The following SSBP2 variants were observed in gnomAD, a reference collection of about 807,000 sequenced individuals.
SSBP2 encodes single-stranded DNA-binding protein 2.
In SSBP2, 17 loss-of-function variants were observed where a neutral mutation model predicts 61.8. The observed-to-expected ratio is 0.28, with a 90% CI of 0.19 to 0.41. The LOEUF (loss-of-function observed/expected upper bound fraction) is 0.41. SSBP2 is among the 10% of genes least tolerant of loss of function. The pLI, the probability that SSBP2 is intolerant of heterozygous loss-of-function variation, is 1.00. For synonymous variants in SSBP2, 139 were observed against 141.3 expected (o/e 0.98, Z 0.12); for missense variants, 310 against 458.7 (o/e 0.68, Z 2.96).
intron 1 of SSBP2, among the ~76,000 whole-genome samples, chr5:81,675,171 T>G (rs1380767270): frequency 6.6e-6 from 1 of 152,078 alleles, no homozygotes; most frequent in African/African-American, 2.4e-5. Context: ...ACACACAATT[T>G]TAATCCCTTC....
intron 4 of SSBP2, among the ~76,000 whole-genome samples, chr5:81,596,884 C>T (rs1391218216): frequency 6.7e-6 from 1 of 149,156 alleles, no homozygotes; most frequent in Non-Finnish European, 1.5e-5. Context: ...ACCATAAAAA[C>T]CCTAGAAGAA....
At chr5:81,662,692 C>T (rs1307639520) in intron 1 of SSBP2, among the ~76,000 whole-genome samples, 3 of 152,020 alleles carry the variant, frequency 2.0e-5, no homozygotes, top group Non-Finnish European at 4.4e-5. Context: ...ATCTCAGCTA[C>T]TCAGGAGGCT....
chr5:81,745,350 C>T (rs1456447369), intron 1 of SSBP2, among the ~76,000 whole-genome samples: 2 of 152,022 alleles, frequency 1.3e-5, no homozygotes, highest in Non-Finnish European at 1.5e-5. Flanking sequence ...TATATACATA[C>T]GTTAACAAAA....
intron 16 of SSBP2, among the ~76,000 whole-genome samples, chr5:81,426,265 A>G (rs1284752843): frequency 6.6e-6 from 1 of 152,232 alleles, no homozygotes; most frequent in Non-Finnish European, 1.5e-5. Flanking sequence ...AAAGCCACAC[A>G]TAACAATGAT....
intron 4 of SSBP2, among the ~76,000 whole-genome samples, chr5:81,597,740 CAG>C (rs1743921245): frequency 6.6e-6 from 1 of 151,512 alleles, no homozygotes; most frequent in East Asian, 1.9e-4. Flanking sequence ...CCATCATTCT[CAG>C]CAAACTATCG....
chr5:81,591,909 G>A (rs549265046), intron 4 of SSBP2, among the ~76,000 whole-genome samples: 5 of 152,330 alleles, frequency 3.3e-5, no homozygotes, highest in Admixed American at 6.5e-5. Context: ...CAGTGTGAGC[G>A]ACACAGAAAA....
intron 3 of SSBP2, among the ~76,000 whole-genome samples, chr5:81,622,915 T>C (rs1746747731): frequency 6.6e-6 from 1 of 152,162 alleles, no homozygotes; most frequent in Admixed American, 6.5e-5. Flanking sequence ...TATTTCCTTC[T>C]CAATTTCTAT....
chr5:81,551,096 G>GAAAAAAAAAAAAAAAA (rs35816072), intron 4 of SSBP2, among the ~76,000 whole-genome samples: 1 of 80,220 alleles, frequency 1.2e-5, no homozygotes, highest in African/African-American at 4.2e-5. Flanking sequence ...ACTCCATCTC[G>GAAAAAAAAAAAAAAAA]AAAAAAAAAA....
chr5:81,551,396 G>A (rs1213499670), intron 4 of SSBP2, among the ~76,000 whole-genome samples: 1 of 152,024 alleles, frequency 6.6e-6, no homozygotes, highest in African/African-American at 2.4e-5. Flanking sequence ...TTCAAGTGAA[G>A]CACCTTAGGT....
chr5:81,448,680 A>G, intron 11 of SSBP2, 110 bp downstream of exon 11: 5 of 1,041,204 alleles, frequency 4.8e-6, no homozygotes, highest in Non-Finnish European at 7.3e-6. Flanking sequence ...CAAGATGTTC[A>G]CTTCTTGGCC....
intron 1 of SSBP2, among the ~76,000 whole-genome samples, chr5:81,686,372 A>G (rs1019123357): frequency 5.3e-5 from 8 of 152,350 alleles, no homozygotes; most frequent in Admixed American, 5.2e-4. Flanking sequence ...TTTAACATGT[A>G]TATGGCTTTT....
chr5:81,567,342 C>G (rs574936682), intron 4 of SSBP2, among the ~76,000 whole-genome samples: 1 of 152,296 alleles, frequency 6.6e-6, no homozygotes, highest in African/African-American at 2.4e-5. Flanking sequence ...GAGCTCAGGC[C>G]ATGGTTTCAG....
intron 4 of SSBP2, among the ~76,000 whole-genome samples, chr5:81,582,570 CAT>C (rs1295842302): frequency 6.6e-6 from 1 of 151,994 alleles, no homozygotes; most frequent in Non-Finnish European, 1.5e-5. Context: ...TGATAGTAAA[CAT>C]AATCAGAGAG....
chr5:81,551,673 C>A (rs868024380), intron 4 of SSBP2, among the ~76,000 whole-genome samples: 36 of 152,032 alleles, frequency 2.4e-4, no homozygotes, highest in Admixed American at 5.9e-4. Context: ...CAACTTAAAT[C>A]TTATTTAAAT....
At chr5:81,427,009 G>T (rs1024719649) in intron 16 of SSBP2, among the ~76,000 whole-genome samples, 9 of 152,094 alleles carry the variant, frequency 5.9e-5, no homozygotes. Context: ...TTGAAAGTAG[G>T]TGTTATATTT....
chr5:81,456,260 G>T (rs1262537963), intron 10 of SSBP2, among the ~76,000 whole-genome samples: 1 of 151,602 alleles, frequency 6.6e-6, no homozygotes, highest in Admixed American at 6.6e-5. Flanking sequence ...GAATTAATGA[G>T]TATAATGCTA....
At chr5:81,734,124 T>C (rs556861067) in intron 1 of SSBP2, among the ~76,000 whole-genome samples, 1 of 152,324 alleles carries the variant, frequency 6.6e-6, no homozygotes, top group South Asian at 2.1e-4. Flanking sequence ...GCTACTTAAG[T>C]GAATTGGTAG....
intron 1 of SSBP2, among the ~76,000 whole-genome samples, chr5:81,678,832 A>C (rs978732164): frequency 6.6e-6 from 1 of 152,128 alleles, no homozygotes; most frequent in African/African-American, 2.4e-5. Context: ...TTATCTTTCA[A>C]AAGTGAAATA....
chr5:81,605,619 C>T (rs923764824), intron 4 of SSBP2, among the ~76,000 whole-genome samples: 2 of 152,008 alleles, frequency 1.3e-5, no homozygotes, highest in Non-Finnish European at 2.9e-5. Context: ...AAAAATCCTA[C>T]TAGGATTTTT....
Sources: allele counts gnomAD v4.1 joint callset (sites outside exome capture counted in the v4.1 genomes callset), GRCh38; gene constraint gnomAD v4.1.1; transcripts MANE v1.5; gene names NCBI Gene and HGNC (gene_info 2026-07-23, HGNC 2026-07-21).